FAM168A: variants seen among roughly 807,000 people sequenced by gnomAD.
FAM168A encodes family with sequence similarity 168 member A, also known as protein FAM168A.
FAM168A carries 3 observed loss-of-function variants against 28.5 expected under a neutral mutation model. That is an observed-to-expected ratio of 0.11 (90% CI 0.05 to 0.27). FAM168A has a LOEUF of 0.27. FAM168A is among the 10% of genes least tolerant of loss of function. FAM168A has a pLI of 1.00. For synonymous variants in FAM168A, 122 were observed against 124.2 expected (o/e 0.98, Z 0.12); for missense variants, 222 against 311.5 (o/e 0.71, Z 2.16).
intron 1 of FAM168A, among the ~76,000 whole-genome samples, chr11:73,491,922 A>G (rs1868132973): frequency 6.6e-6 from 1 of 152,260 alleles, no homozygotes. Flanking sequence ...AAGGCCAAGT[A>G]TGATTCTTCT....
At chr11:73,468,580 T>G in intron 1 of FAM168A, 88 bp from the exon 2 acceptor site, 1 of 1,128,358 alleles carries the variant, frequency 8.9e-7, no homozygotes, top group East Asian at 2.4e-5. Context: ...CAGTTTTCCC[T>G]GAAAGGAAAG....
At position 73,571,234 on chromosome 11, in the gene FAM168A, T is replaced by TC. The variant is rs375850220; in HGVS notation, c.-19+26688dup. Among the ~76,000 whole-genome samples the TC allele has an allele frequency of 2.0e-3, 99 of 49,520 alleles. 4 individuals are homozygous for TC. In the East Asian group the frequency reaches 0.062, roughly 31 times the overall value. The allele number at this position is 49,520 out of a possible 152,430, so 32.5% of individuals were successfully genotyped here. ...TAAACTCTCCCTCTCCCCCTCCCCC[T>TC]CCCCCCCCCCTCCCCACAGTCTCCC... On this transcript the variant is annotated intron_variant, in intron 1 of 7. Coordinates refer to ENST00000356467, the MANE Select transcript of FAM168A (RefSeq NM_015159.3).
At chr11:73,557,036 A>AG (rs964079050) in intron 1 of FAM168A, among the ~76,000 whole-genome samples, 16 of 152,214 alleles carry the variant, frequency 1.1e-4, no homozygotes, top group Admixed American at 5.9e-4. Flanking sequence ...CTCAAAAAAA[A>AG]AAAGAGGAAA....
intron 1 of FAM168A, among the ~76,000 whole-genome samples, chr11:73,525,057 T>A (rs1943432571): frequency 6.6e-6 from 1 of 151,976 alleles, no homozygotes; most frequent in East Asian, 1.9e-4. Flanking sequence ...GTTTCTCTTG[T>A]GCTTGTATGC....
intron 1 of FAM168A, among the ~76,000 whole-genome samples, chr11:73,492,425 C>A (rs1868141182): frequency 4.6e-5 from 7 of 152,082 alleles, no homozygotes; most frequent in Admixed American, 4.6e-4. Flanking sequence ...GGCAGTGGAT[C>A]CCTTGAATCC....
chr11:73,454,152 T>G (rs767423223), intron 2 of FAM168A, among the ~76,000 whole-genome samples: 3 of 152,086 alleles, frequency 2.0e-5, no homozygotes, highest in South Asian at 2.1e-4. Context: ...GAACCCTTCA[T>G]TAACACCAGG....
At chr11:73,544,915 TTA>T (rs1203823368) in intron 1 of FAM168A, among the ~76,000 whole-genome samples, 4 of 92,608 alleles carry the variant, frequency 4.3e-5, no homozygotes, top group Middle Eastern at 4.5e-3. Context: ...ATAATATATA[TTA>T]TATATAATAT....
chr11:73,544,949 AAT>A (rs1315028752), intron 1 of FAM168A, among the ~76,000 whole-genome samples: 1 of 92,642 alleles, frequency 1.1e-5, no homozygotes, highest in Non-Finnish European at 1.9e-5. Context: ...TGTAATATAT[AAT>A]ATATTATATA....
chr11:73,555,531 C>A (rs1201365129), intron 1 of FAM168A, among the ~76,000 whole-genome samples: 1 of 151,802 alleles, frequency 6.6e-6, no homozygotes, highest in African/African-American at 2.4e-5. Flanking sequence ...ATGGCGAAAC[C>A]CCATCTCTAC....
chr11:73,546,791 T>C (rs1448829844), intron 1 of FAM168A, among the ~76,000 whole-genome samples: 1 of 151,868 alleles, frequency 6.6e-6, no homozygotes, highest in African/African-American at 2.4e-5. Context: ...GGAACTGTTC[T>C]ATATCTCGAC....
intron 1 of FAM168A, among the ~76,000 whole-genome samples, chr11:73,564,517 T>A (rs527491867): frequency 6.6e-6 from 1 of 151,394 alleles, no homozygotes; most frequent in Non-Finnish European, 1.5e-5. Context: ...GGTGGGCAGA[T>A]CACAAGGTCA....
intron 1 of FAM168A, among the ~76,000 whole-genome samples, chr11:73,514,740 G>C (rs1943277311): frequency 6.6e-6 from 1 of 152,152 alleles, no homozygotes; most frequent in Non-Finnish European, 1.5e-5. Flanking sequence ...GGGTGAGGTA[G>C]GAAGATCACC....
chr11:73,443,083 G>A (rs537689162), intron 2 of FAM168A, among the ~76,000 whole-genome samples: 57 of 146,576 alleles, frequency 3.9e-4, no homozygotes, highest in African/African-American at 1.4e-3. Flanking sequence ...CACTCAGGTT[G>A]CTAAAGTTCA....
chr11:73,590,359 T>C lies in FAM168A; in HGVS notation c.-19+7564A>G, dbSNP rs371401492. On this transcript the variant is annotated intron_variant, in intron 1 of 7. Transcript: ENST00000356467. Reference sequence around the variant, plus strand: ...TCAAGGCTGCAGTGAGCCATGACTGTGCCACTGCAAGCAAAAGTTCTTTGG... The same window carrying C: ...TCAAGGCTGCAGTGAGCCATGACTGCGCCACTGCAAGCAAAAGTTCTTTGG... Among the ~76,000 whole-genome samples the C allele has an allele frequency of 8.5e-5, 13 of 152,340 alleles. No homozygotes were observed. In the South Asian group the frequency reaches 1.7e-3, roughly 19 times the overall value.
chr11:73,452,812 A>T (rs929830056), intron 2 of FAM168A, among the ~76,000 whole-genome samples: 2 of 141,198 alleles, frequency 1.4e-5, no homozygotes, highest in African/African-American at 6.3e-5. Context: ...GCAAAAAAAA[A>T]ATAATAATAA....
At chr11:73,467,655 A>G (rs1156829429) in intron 2 of FAM168A, among the ~76,000 whole-genome samples, 1 of 152,206 alleles carries the variant, frequency 6.6e-6, no homozygotes, top group African/African-American at 2.4e-5. Flanking sequence ...AGCAAATAGG[A>G]AACCAAAGCC....
intron 1 of FAM168A, among the ~76,000 whole-genome samples, chr11:73,509,120 A>T (rs374370542): frequency 5.9e-5 from 9 of 152,332 alleles, no homozygotes; most frequent in African/African-American, 1.9e-4. Context: ...TGGCAGTGTG[A>T]GAACGAGCTA....
intron 1 of FAM168A, among the ~76,000 whole-genome samples, chr11:73,544,955 T>G (rs1384478472): frequency 2.4e-5 from 2 of 81,746 alleles, no homozygotes; most frequent in African/African-American, 1.2e-4. Flanking sequence ...ATATAATATA[T>G]TATATATAAT....
At chr11:73,470,807 A>AG (rs1400155356) in intron 1 of FAM168A, among the ~76,000 whole-genome samples, 3 of 152,260 alleles carry the variant, frequency 2.0e-5, no homozygotes, top group Admixed American at 6.5e-5. Flanking sequence ...AGTGCTAAGC[A>AG]GTACAACTTA....
Sources: allele counts gnomAD v4.1 joint callset (sites outside exome capture counted in the v4.1 genomes callset), GRCh38; gene constraint gnomAD v4.1.1; transcripts MANE v1.5; gene names NCBI Gene and HGNC (gene_info 2026-07-23, HGNC 2026-07-21).